Variants in LEF1 observed in about 807,000 individuals in gnomAD.
LEF1 encodes lymphoid enhancer-binding factor 1.
Under a neutral mutation model 51.2 loss-of-function variants are expected in LEF1, and 14 were observed. The ratio of observed to expected loss-of-function variants is 0.27; its 90% confidence interval spans 0.18 to 0.43. The LOEUF (loss-of-function observed/expected upper bound fraction) is 0.43. Among genes scored for constraint, LEF1 ranks in the 20% least tolerant of loss-of-function variants. The pLI, the probability that LEF1 is intolerant of heterozygous loss-of-function variation, is 1.00. For missense variants in LEF1, 386 were observed against 512.0 expected (o/e 0.75, Z 2.37); for synonymous variants, 185 against 183.2 (o/e 1.01, Z -0.08).
chr4:108,086,991 GT>G (rs1739695970), intron 4 of LEF1, among the ~76,000 whole-genome samples: 1 of 152,152 alleles, frequency 6.6e-6, no homozygotes, highest in Non-Finnish European at 1.5e-5. Context: ...ATCTTCGGTT[GT>G]TTTTTTCTGG....
At chr4:108,103,868 A>G (rs1740974056) in intron 3 of LEF1, among the ~76,000 whole-genome samples, 1 of 152,236 alleles carries the variant, frequency 6.6e-6, no homozygotes, top group Non-Finnish European at 1.5e-5. Flanking sequence ...ACAGTTTTGC[A>G]GTTCCTCAAA....
chr4:108,121,482 A>C (rs747848758), intron 3 of LEF1, among the ~76,000 whole-genome samples: 11 of 152,100 alleles, frequency 7.2e-5, no homozygotes, highest in Non-Finnish European at 1.3e-4. Flanking sequence ...GAATTTTTTA[A>C]CTCTTGAGGA....
intron 3 of LEF1, among the ~76,000 whole-genome samples, chr4:108,146,707 T>TA (rs1313915103): frequency 6.6e-6 from 1 of 152,254 alleles, no homozygotes; most frequent in Non-Finnish European, 1.5e-5. Context: ...ATCAATATCC[T>TA]AAAAACTCCG....
At chr4:108,164,969 C>A in intron 2 of LEF1, 128 bp downstream of exon 2, 1 of 699,300 alleles carries the variant, frequency 1.4e-6, no homozygotes, top group Non-Finnish European at 2.5e-6. Context: ...TTTTCTTTAC[C>A]ATTAAAATAG....
In LEF1 at chr4:108,167,756, G is replaced by A. The variant is rs764439030; in HGVS notation, c.12C>T (p.Leu4=). ...CCCCGCCGCCGCCACCTCCTCCGGA[G>A]AGTTGGGGCATCCCGGCGGCTCTGT... The part of the protein sequence containing the change: MPQ[L]SGGGGGGGGD... The change falls in exon 1 of 12, where the codon CTC becomes CTT. Residue 4 remains leucine, a synonymous_variant. Transcript: ENST00000265165. This position sits in a 1 kb window ranked among gnomAD's most constrained non-coding sequence, Gnocchi z 5.7. 6.2e-7 allele frequency: 1 copy of A among 1,612,856 alleles called. No individual in the cohort carries two copies. Among genetic ancestry groups the A allele is most frequent in the South Asian group, 1.1e-5 (1 of 91,050 alleles).
rs2110427319 is a variant in LEF1, at chr4:108,165,391, A to G, written c.214-228T>C. 5.9e-6 allele frequency: 3 copies of G among 508,808 alleles called. No individual in the cohort carries two copies. The East Asian group carries it at 9.4e-5, about 16-fold the overall frequency. The allele number at this position is 508,808 out of a possible 1,614,324, so 31.5% of individuals were successfully genotyped here. A position where few individuals can be genotyped will look rare whatever the true frequency, so the allele number is the denominator to read the frequency against. ...ACCCGGGACCAAAAACGTATAAATA[A>G]TAACAAAACCAATAAAAATATAGTT... On this transcript the variant is annotated intron_variant, in intron 1 of 11. Transcript: ENST00000265165.
intron 3 of LEF1, among the ~76,000 whole-genome samples, chr4:108,093,752 C>T (rs902755216): frequency 1.5e-4 from 23 of 151,652 alleles, no homozygotes; most frequent in Admixed American, 1.4e-3. Context: ...AGAGTAGATA[C>T]TTAAAAAAGA....
chr4:108,154,924 G>A (rs183650049), intron 3 of LEF1, among the ~76,000 whole-genome samples: 3 of 152,222 alleles, frequency 2.0e-5, no homozygotes, highest in African/African-American at 7.2e-5. Flanking sequence ...AATTTCCCAG[G>A]AGGCTAGAAA....
intron 4 of LEF1, among the ~76,000 whole-genome samples, chr4:108,087,836 G>A (rs560640955): frequency 1.6e-3 from 236 of 152,152 alleles, no homozygotes; most frequent in African/African-American, 5.4e-3. Flanking sequence ...AATTCACCAC[G>A]ACCAAGACTG....
chr4:108,080,483 T>G (rs541239597), intron 6 of LEF1, among the ~76,000 whole-genome samples: 1 of 152,342 alleles, frequency 6.6e-6, no homozygotes, highest in South Asian at 2.1e-4. Context: ...TGAAAGGAAC[T>G]CTGCTAGGAT....
At chr4:108,088,527 T>C (rs904272309) in intron 4 of LEF1, among the ~76,000 whole-genome samples, 1 of 152,222 alleles carries the variant, frequency 6.6e-6, no homozygotes, top group Non-Finnish European at 1.5e-5. Context: ...ACAGGATGTT[T>C]TAATTTTTCA....
intron 11 of LEF1, among the ~76,000 whole-genome samples, chr4:108,056,877 G>T: frequency 6.6e-6 from 1 of 150,824 alleles, no homozygotes; most frequent in South Asian, 2.1e-4. Context: ...GGCAGCACAA[G>T]GTACCCCCAA....
At position 108,099,578 on chromosome 4, in the gene LEF1, A is replaced by ATATATGTGTGTG; in HGVS notation, c.415-10322_415-10321insCACACACATATA. 6.8e-5 allele frequency among the ~76,000 whole-genome samples: 3 copies of ATATATGTGTGTG among 44,398 alleles called. 1 individual carries two copies. In the South Asian group the frequency reaches 2.1e-3, roughly 31 times the overall value. The allele number at this position is 44,398 out of a possible 152,430, so 29.1% of individuals were successfully genotyped here. On this transcript the variant is annotated intron_variant, in intron 3 of 11. Transcript: ENST00000265165. ...TGTATGTGTGTGTGTGTGTATATAT[A>ATATATGTGTGTG]TATATATATATATATATATATATAT... is the stretch of plus-strand genomic sequence containing the variant.
At chr4:108,089,022 C>T in intron 4 of LEF1, 103 bp downstream of exon 4, 1 of 1,269,938 alleles carries the variant, frequency 7.9e-7, no homozygotes, top group Non-Finnish European at 1.1e-6. Context: ...TTCTGATCCA[C>T]CCAGTGACAT....
chr4:108,072,590 G>A (rs977300661), intron 8 of LEF1, among the ~76,000 whole-genome samples: 2 of 152,180 alleles, frequency 1.3e-5, no homozygotes, highest in African/African-American at 2.4e-5. Context: ...CTTGCCCTGA[G>A]CCTAAAGCAA....
intron 8 of LEF1, among the ~76,000 whole-genome samples, chr4:108,073,203 T>C (rs2126278412): frequency 6.6e-6 from 1 of 152,300 alleles, no homozygotes; most frequent in Admixed American, 6.5e-5. Context: ...CTGGCAAACA[T>C]GGCAAAATCC....
At chr4:108,141,603 G>A (rs1478037513) in intron 3 of LEF1, among the ~76,000 whole-genome samples, 2 of 152,140 alleles carry the variant, frequency 1.3e-5, no homozygotes, top group Non-Finnish European at 2.9e-5. Flanking sequence ...CAAGCGAGTG[G>A]CAGCCAAGTC....
chr4:108,070,832 T>G (rs557145182), intron 8 of LEF1, 62 bp from the exon 9 acceptor site: 5 of 1,106,242 alleles, frequency 4.5e-6, no homozygotes, highest in Non-Finnish European at 6.7e-6. Context: ...GCATATTTTA[T>G]GTTTCAAAAA....
intron 4 of LEF1, among the ~76,000 whole-genome samples, chr4:108,086,829 TACAC>T (rs139231288): frequency 4.0e-5 from 6 of 149,318 alleles, no homozygotes; most frequent in African/African-American, 9.9e-5. Flanking sequence ...CACACACACT[TACAC>T]ACACACACAC....
Sources: gnomAD v4.1 joint callset for allele counts (sites outside exome capture counted in the v4.1 genomes callset) on GRCh38, gnomAD v4.1.1 for gene constraint, Gnocchi (gnomAD v3.1) non-coding constraint, MANE v1.5 for transcripts, NCBI Gene and HGNC (gene_info 2026-07-23, HGNC 2026-07-21) for gene names.